Variants in FAM178B observed in about 807,000 individuals in gnomAD.
The protein encoded by FAM178B is protein FAM178B.
Under a neutral mutation model 91.7 loss-of-function variants are expected in FAM178B, and 82 were observed. That is an observed-to-expected ratio of 0.89 (90% confidence interval 0.75 to 1.07). The LOEUF is 1.07. Ranked by LOEUF, FAM178B falls within the 50% of genes least tolerant of loss-of-function variation. The probability of loss-of-function intolerance (pLI) is 0.00; values close to 1 mark genes in which losing one functional copy is unlikely to be tolerated. For missense variants in FAM178B, 769 were observed against 846.7 expected (o/e 0.91, Z 1.14); for synonymous variants, 368 against 359.4 (o/e 1.02, Z -0.27).
At chr2:96,883,967 G>A (rs530527634) in intron 14 of FAM178B, among the ~76,000 whole-genome samples, 1 of 152,344 alleles carries the variant, frequency 6.6e-6, no homozygotes, top group Non-Finnish European at 1.5e-5. Context: ...TCAGGACAGA[G>A]GTGTAAGCAC....
chr2:96,951,706 AAC>A, intron 6 of FAM178B: 1 of 517,282 alleles, frequency 1.9e-6, no homozygotes, highest in Non-Finnish European at 3.5e-6. Context: ...ATGTTGCGTG[AAC>A]ACACCTCATG....
intron 8 of FAM178B, among the ~76,000 whole-genome samples, chr2:96,945,565 C>G (rs1287314326): frequency 6.6e-6 from 1 of 151,910 alleles, no homozygotes; most frequent in East Asian, 1.9e-4. Flanking sequence ...CGCGCGCACA[C>G]ACAAATCATA....
chr2:96,942,960 G>C (rs185203766), intron 8 of FAM178B, among the ~76,000 whole-genome samples: 4 of 152,290 alleles, frequency 2.6e-5, no homozygotes, highest in Admixed American at 6.5e-5. Context: ...AAAGAACCAA[G>C]CTAGACTCCT....
chr2:96,889,462 T>G (rs1381556513), intron 14 of FAM178B, among the ~76,000 whole-genome samples: 1 of 151,964 alleles, frequency 6.6e-6, no homozygotes, highest in African/African-American at 2.4e-5. Flanking sequence ...GTGGATCACC[T>G]GAGGTCAGGA....
intron 9 of FAM178B, 128 bp downstream of exon 9, chr2:96,929,078 A>T: frequency 1.5e-6 from 1 of 682,650 alleles, no homozygotes; most frequent in South Asian, 1.8e-5. Context: ...GGATCACTTG[A>T]GCCTGGGAGG....
At chr2:96,961,983 T>G (rs192311833) in intron 5 of FAM178B, among the ~76,000 whole-genome samples, 58 of 152,354 alleles carry the variant, frequency 3.8e-4, no homozygotes, top group Admixed American at 9.2e-4. Context: ...TTGTATCTAT[T>G]GCTTAAATTG....
At chr2:96,893,557 C>A (rs563952444) in intron 14 of FAM178B, among the ~76,000 whole-genome samples, 1 of 152,032 alleles carries the variant, frequency 6.6e-6, no homozygotes, top group Non-Finnish European at 1.5e-5. Context: ...GACAACCCTG[C>A]GCTTATCCTG....
intron 13 of FAM178B, among the ~76,000 whole-genome samples, chr2:96,898,668 G>T (rs1260167673): frequency 1.3e-5 from 2 of 152,086 alleles, no homozygotes; most frequent in Non-Finnish European, 2.9e-5. Flanking sequence ...AATAATCCCG[G>T]CTGTACCACT....
chr2:96,889,434 T>C (rs1574194236), intron 14 of FAM178B, among the ~76,000 whole-genome samples: 1 of 152,158 alleles, frequency 6.6e-6, no homozygotes, highest in South Asian at 2.1e-4. Context: ...ATTCCAGCAC[T>C]GTGGGAGGCC....
At chr2:96,980,523 C>T (rs1053351677) in intron 1 of FAM178B, among the ~76,000 whole-genome samples, 1 of 152,142 alleles carries the variant, frequency 6.6e-6, no homozygotes, top group Non-Finnish European at 1.5e-5. Flanking sequence ...TTAACTTAGC[C>T]TCTTGTGTAG....
At chr2:96,903,304 G>C (rs988773148) in intron 12 of FAM178B, among the ~76,000 whole-genome samples, 4 of 152,256 alleles carry the variant, frequency 2.6e-5, no homozygotes, top group African/African-American at 7.2e-5. Flanking sequence ...CTCCCAAAGT[G>C]CTGGGATTAC....
chr2:96,953,638 C>A (rs1172293818), intron 6 of FAM178B, among the ~76,000 whole-genome samples: 1 of 152,212 alleles, frequency 6.6e-6, no homozygotes, highest in Non-Finnish European at 1.5e-5. Context: ...GGACCAGGAG[C>A]AACAGAAAGC....
chr2:96,972,001 TCCA>T lies in FAM178B; in HGVS notation c.461_463del (p.Leu154_Glu155delinsTer). Reference sequence around the variant, plus strand: ...CGGGTCCAAGTCCAGGTGTTCCTGCTCCAACTCCTCGGGCAGCTCACCAGCCAG... The same window carrying T: ...CGGGTCCAAGTCCAGGTGTTCCTGCTACTCCTCGGGCAGCTCACCAGCCAG... On this transcript the variant is annotated stop_gained and inframe_deletion, in exon 3 of 17. Coordinates refer to ENST00000490605, the MANE Select transcript of FAM178B (RefSeq NM_001122646.3). LOFTEE classifies it high-confidence loss of function. 2 of 1,557,860 alleles carry T rather than the reference TCCA, an allele frequency of 1.3e-6. No individual in the cohort carries two copies. Among genetic ancestry groups the T allele is most frequent in the Non-Finnish European group, 8.7e-7 (1 of 1,151,200 alleles).
intron 3 of FAM178B, among the ~76,000 whole-genome samples, chr2:96,971,294 A>T (rs6576997): frequency 2.3e-5 from 3 of 132,238 alleles, no homozygotes; most frequent in South Asian, 6.7e-4. Flanking sequence ...CCTCTCTCCC[A>T]CCTCCCTCTC....
At chr2:96,911,774 C>T (rs1454658840) in intron 12 of FAM178B, among the ~76,000 whole-genome samples, 1 of 152,070 alleles carries the variant, frequency 6.6e-6, no homozygotes, top group Non-Finnish European at 1.5e-5. Flanking sequence ...AGCTCCAGGG[C>T]ACCGAATCTG....
chr2:96,890,906 C>A (rs1342983665), intron 14 of FAM178B, among the ~76,000 whole-genome samples: 3 of 152,210 alleles, frequency 2.0e-5, no homozygotes, highest in Non-Finnish European at 4.4e-5. Flanking sequence ...GATGTTTACT[C>A]TTCTCTGAGA....
At chr2:96,977,946 C>CGG in intron 1 of FAM178B, 2 of 57,842 alleles carry the variant, frequency 3.5e-5, no homozygotes. Flanking sequence ...GAGGGTGGGG[C>CGG]GGGCGGGGGA....
At chr2:96,878,671 G>A (rs1188771144) in intron 14 of FAM178B, among the ~76,000 whole-genome samples, 178 bp from the exon 15 acceptor site, 1 of 152,198 alleles carries the variant, frequency 6.6e-6, no homozygotes, top group Non-Finnish European at 1.5e-5. Flanking sequence ...GGGTGAGCCA[G>A]GCTCTGGGCT....
chr2:96,896,485 C>T (rs1328922094), intron 13 of FAM178B, among the ~76,000 whole-genome samples: 2 of 152,152 alleles, frequency 1.3e-5, no homozygotes, highest in African/African-American at 2.4e-5. Flanking sequence ...CTCCCTACAC[C>T]GACATCACTG....
Sources: gnomAD v4.1 joint callset for allele counts (sites outside exome capture counted in the v4.1 genomes callset) on GRCh38, gnomAD v4.1.1 for gene constraint, MANE v1.5 for transcripts, NCBI Gene and HGNC (gene_info 2026-07-23, HGNC 2026-07-21) for gene names.